The following KHDRBS3 variants were observed in gnomAD, a reference collection of about 807,000 sequenced individuals.
The protein encoded by KHDRBS3 is KH domain-containing, RNA-binding, signal transduction-associated protein 3.
KHDRBS3 carries 23 observed loss-of-function variants against 45.6 expected under a neutral mutation model. That is an observed-to-expected ratio of 0.50 (90% confidence interval 0.36 to 0.72). The LOEUF is 0.72. KHDRBS3 is among the 30% of genes least tolerant of loss of function. The probability of loss-of-function intolerance (pLI) is 0.00; values close to 1 mark genes in which losing one functional copy is unlikely to be tolerated. For missense variants in KHDRBS3, 352 were observed against 424.8 expected (o/e 0.83, Z 1.51); for synonymous variants, 162 against 156.5 (o/e 1.04, Z -0.26).
intron 4 of KHDRBS3, 51 bp downstream of exon 4, chr8:135,548,951 T>A: frequency 7.7e-7 from 1 of 1,301,936 alleles, no homozygotes; most frequent in Non-Finnish European, 1.0e-6. Context: ...GTCTTTGCTT[T>A]AATCCTTGAT....
At chr8:135,472,001 T>C (rs1248413236) in intron 1 of KHDRBS3, among the ~76,000 whole-genome samples, 1 of 152,174 alleles carries the variant, frequency 6.6e-6, no homozygotes, top group East Asian at 1.9e-4. Context: ...TGGGAGATAG[T>C]GGGCACTCAG....
At chr8:135,611,505 A>G (rs986835392) in intron 7 of KHDRBS3, among the ~76,000 whole-genome samples, 5 of 151,878 alleles carry the variant, frequency 3.3e-5, no homozygotes, top group Admixed American at 6.6e-5. Flanking sequence ...TTAGTTTACT[A>G]TATGGGGCTG....
intron 1 of KHDRBS3, among the ~76,000 whole-genome samples, chr8:135,495,591 AC>A (rs1455280188): frequency 1.3e-5 from 2 of 152,172 alleles, no homozygotes; most frequent in Admixed American, 6.5e-5. Context: ...CTCCCACTTC[AC>A]CCTAGTGTCT....
At chr8:135,475,666 A>T (rs185092044) in intron 1 of KHDRBS3, among the ~76,000 whole-genome samples, 1 of 152,198 alleles carries the variant, frequency 6.6e-6, no homozygotes, top group African/African-American at 2.4e-5. Context: ...AGAGACATTA[A>T]GTGACTTGTC....
rs1824493420 is a variant in KHDRBS3, at chr8:135,514,950, T to C, written c.89-6287T>C. On this transcript the variant is annotated intron_variant, in intron 1 of 8. Transcript: ENST00000355849. ...GTAATAATTATAATTTAATTACTGC[T>C]GGTATAAGTGACCCCTAAAATAATT... 2.0e-5 allele frequency among the ~76,000 whole-genome samples: 3 copies of C among 152,330 alleles called. No individual in the cohort carries two copies. In the South Asian group the frequency reaches 6.2e-4, roughly 32 times the overall value.
At chr8:135,587,211 A>G (rs988677844) in intron 6 of KHDRBS3, among the ~76,000 whole-genome samples, 1 of 152,236 alleles carries the variant, frequency 6.6e-6, no homozygotes, top group Non-Finnish European at 1.5e-5. Flanking sequence ...CTGTCATCTG[A>G]GCCAACTGTT....
intron 7 of KHDRBS3, among the ~76,000 whole-genome samples, chr8:135,621,098 G>C (rs1830118667): frequency 6.9e-6 from 1 of 144,598 alleles, no homozygotes; most frequent in Non-Finnish European, 1.5e-5. Flanking sequence ...TTCAACTCTG[G>C]CTACGTGGAA....
chr8:135,546,166 A>G (rs1283894058), intron 3 of KHDRBS3, among the ~76,000 whole-genome samples: 2 of 152,014 alleles, frequency 1.3e-5, no homozygotes, highest in African/African-American at 4.8e-5. Flanking sequence ...AAAAAAAAAA[A>G]AGATACTACT....
chr8:135,586,419 A>G (rs1030578223), intron 6 of KHDRBS3, among the ~76,000 whole-genome samples: 7 of 152,190 alleles, frequency 4.6e-5, no homozygotes, highest in African/African-American at 1.7e-4. Context: ...TGTTCCCTTC[A>G]TCAGAAATGC....
intron 5 of KHDRBS3, among the ~76,000 whole-genome samples, chr8:135,569,645 C>A (rs1453602209): frequency 6.6e-6 from 1 of 152,106 alleles, no homozygotes; most frequent in Admixed American, 6.5e-5. Context: ...TACTGTAGAA[C>A]GTGTGAATCT....
At chr8:135,580,605 C>CTTTT (rs11405340) in intron 5 of KHDRBS3, among the ~76,000 whole-genome samples, 4 of 128,872 alleles carry the variant, frequency 3.1e-5, no homozygotes, top group Non-Finnish European at 6.4e-5. Context: ...CTCTCTCTCT[C>CTTTT]TTTTTTTTTT....
At chr8:135,612,582 C>T (rs987127781) in intron 7 of KHDRBS3, among the ~76,000 whole-genome samples, 43 of 151,776 alleles carry the variant, frequency 2.8e-4, no homozygotes, top group Admixed American at 1.4e-3. Flanking sequence ...ATTCAGGTTC[C>T]ATAAGATTTC....
At chr8:135,593,129 A>G (rs139260788) in intron 6 of KHDRBS3, among the ~76,000 whole-genome samples, 55 of 152,294 alleles carry the variant, frequency 3.6e-4, no homozygotes, top group Non-Finnish European at 6.5e-4. Context: ...CTTTGCCTTT[A>G]TAAATTTATG....
At chr8:135,619,962 C>T (rs940757763) in intron 7 of KHDRBS3, among the ~76,000 whole-genome samples, 12 of 152,072 alleles carry the variant, frequency 7.9e-5, no homozygotes, top group African/African-American at 2.9e-4. Flanking sequence ...TCTAATCCCA[C>T]CAAATATAGC....
At chr8:135,524,743 A>G (rs1350222249) in intron 2 of KHDRBS3, among the ~76,000 whole-genome samples, 2 of 149,792 alleles carry the variant, frequency 1.3e-5, no homozygotes, top group Non-Finnish European at 3.0e-5. Context: ...TTACTGCTGT[A>G]TCTTAAACTC....
chr8:135,506,098 A>G (rs1393901339), intron 1 of KHDRBS3, among the ~76,000 whole-genome samples: 1 of 152,218 alleles, frequency 6.6e-6, no homozygotes, highest in South Asian at 2.1e-4. Context: ...GAAATGAAAG[A>G]TGACTTCCAC....
chr8:135,549,650 C>T (rs541281419), intron 4 of KHDRBS3: 1 of 152,184 alleles, frequency 6.6e-6, no homozygotes, highest in Non-Finnish European at 1.5e-5. Flanking sequence ...AATCGTAAAG[C>T]ATCAACACTT....
At chr8:135,560,477 C>T (rs1282675265) in intron 5 of KHDRBS3, among the ~76,000 whole-genome samples, 3 of 152,052 alleles carry the variant, frequency 2.0e-5, no homozygotes, top group African/African-American at 2.4e-5. Context: ...TGTGGAGAAT[C>T]GAGCACATCC....
chr8:135,503,954 GTAAGTTA>G (rs1466390375), intron 1 of KHDRBS3, among the ~76,000 whole-genome samples: 1 of 152,166 alleles, frequency 6.6e-6, no homozygotes, highest in East Asian at 1.9e-4. Context: ...GAAGGGTGCA[GTAAGTTA>G]GAGTTTGTTA....
Sources: allele counts gnomAD v4.1 joint callset (sites outside exome capture counted in the v4.1 genomes callset), GRCh38; gene constraint gnomAD v4.1.1; transcripts MANE v1.5; gene names NCBI Gene and HGNC (gene_info 2026-07-23, HGNC 2026-07-21).